Variants in ZNF66 observed in about 807,000 individuals in gnomAD.
The protein encoded by ZNF66 is zinc finger protein 66.
In ZNF66, 32 loss-of-function variants were observed where a neutral mutation model predicts 35.2. The ratio of observed to expected loss-of-function variants is 0.91; its 90% CI spans 0.69 to 1.22. The LOEUF (loss-of-function observed/expected upper bound fraction) is 1.22. ZNF66 is among the 50% of genes most tolerant of loss of function. The pLI, the probability that ZNF66 is intolerant of heterozygous loss-of-function variation, is 0.00. For synonymous variants in ZNF66, 231 were observed against 181.3 expected, an observed-to-expected ratio of 1.27 and a Z score of -2.20; for missense variants, 666 against 543.1, an observed-to-expected ratio of 1.23 and a Z score of -2.25.
At chr19:20,797,830 G>A (rs1322473337) in intron 3 of ZNF66, among the ~76,000 whole-genome samples, 3 of 152,210 alleles carry the variant, frequency 2.0e-5, no homozygotes, top group African/African-American at 7.2e-5. Flanking sequence ...CCAAAGTACT[G>A]GGATTACAGT....
chr19:20,801,871 G>A (rs1478497158), intron 3 of ZNF66, among the ~76,000 whole-genome samples: 2 of 136,754 alleles, frequency 1.5e-5, no homozygotes, highest in Non-Finnish European at 3.3e-5. Flanking sequence ...TCAAGTAATC[G>A]GCCCACCTTG....
At chr19:20,796,101 C>T (rs979836477) in intron 3 of ZNF66, among the ~76,000 whole-genome samples, 3 of 152,150 alleles carry the variant, frequency 2.0e-5, no homozygotes, top group African/African-American at 7.2e-5. Context: ...ATAACCCAGG[C>T]TGGTCTCAAA....
chr19:20,790,031 G>A (rs548516783), intron 1 of ZNF66, among the ~76,000 whole-genome samples: 9 of 152,234 alleles, frequency 5.9e-5, no homozygotes, highest in Admixed American at 4.6e-4. Flanking sequence ...TAAATAATGC[G>A]CCAAGGGGGA....
At chr19:20,796,762 A>G (rs1409793143) in intron 3 of ZNF66, among the ~76,000 whole-genome samples, 1 of 152,214 alleles carries the variant, frequency 6.6e-6, no homozygotes, top group Non-Finnish European at 1.5e-5. Flanking sequence ...ATTCTCTGAA[A>G]TTTTACTGCC....
rs988825160 is a variant in ZNF66 at position 20,797,439 on chromosome 19, C to T, written c.226+3561C>T. Among the ~76,000 whole-genome samples the T allele has an allele frequency of 9.2e-4, 115 of 124,556 alleles. 5 individuals are homozygous for T. The highest frequency in any genetic ancestry group is 3.2e-3 in the African/African-American group (108 of 33,452). The allele number at this position is 124,556 out of a possible 152,430, so 81.7% of individuals were successfully genotyped here. On this transcript the variant is annotated intron_variant, in intron 3 of 3. Transcript: ENST00000344519. ...GCCAGGATGGTCTCGATCTCCTGAC[C>T]TCGTGATCCGCCCGCCTCGGCCTCC...
chr19:20,776,613 C>T lies in ZNF66; in HGVS notation c.3+163C>T, dbSNP rs1971197118. 4.7e-6 allele frequency: 5 copies of T among 1,059,642 alleles called. No individual in the cohort carries two copies. In the South Asian group the frequency reaches 7.2e-5, roughly 15 times the overall value. The allele number at this position is 1,059,642 out of a possible 1,614,324, so 65.6% of individuals were successfully genotyped here. On this transcript the variant is annotated intron_variant, in intron 1 of 3. Transcript: ENST00000344519. ...GGCGGCTACGCTGACAGCCTGGCCC[C>T]CGGGCGTCCTGTCGCTTCCCCGCGC...
At chr19:20,795,177 A>AT (rs1276145326) in intron 3 of ZNF66, among the ~76,000 whole-genome samples, 6 of 149,000 alleles carry the variant, frequency 4.0e-5, no homozygotes, top group East Asian at 4.1e-4. Context: ...GCCTGGCTGG[A>AT]TTTTTTTATT....
At chr19:20,802,004 A>C (rs1313425489) in intron 3 of ZNF66, among the ~76,000 whole-genome samples, 1 of 150,606 alleles carries the variant, frequency 6.6e-6, no homozygotes, top group Non-Finnish European at 1.5e-5. Context: ...CATTGCTTTT[A>C]CTATTAGTAA....
intron 3 of ZNF66, chr19:20,798,888 T>C (rs560160569): frequency 6.6e-6 from 1 of 152,296 alleles, no homozygotes; most frequent in African/African-American, 2.4e-5. Flanking sequence ...CCATTGTATG[T>C]GTATGTTATA....
intron 3 of ZNF66, among the ~76,000 whole-genome samples, chr19:20,800,193 A>G (rs954789335): frequency 1.3e-5 from 2 of 152,088 alleles, no homozygotes; most frequent in Non-Finnish European, 2.9e-5. Context: ...ATTGTTTGCT[A>G]GTTTATAGTG....
intron 3 of ZNF66, among the ~76,000 whole-genome samples, chr19:20,797,165 T>C (rs893625261): frequency 6.1e-5 from 9 of 146,934 alleles, no homozygotes; most frequent in Non-Finnish European, 1.0e-4. Flanking sequence ...AATTTTTTAA[T>C]AATGCATCAA....
At position 20,806,869 on chromosome 19, in the gene ZNF66, A is replaced by G. The variant is rs762574090; in HGVS notation, c.1269A>G (p.Lys423=). 6.7e-6 allele frequency: 9 copies of G among 1,352,506 alleles called. No homozygotes were observed. Among genetic ancestry groups the G allele is most frequent in the Non-Finnish European group, 9.5e-6 (9 of 943,976 alleles). The allele number at this position is 1,352,506 out of a possible 1,614,324, so 83.8% of individuals were successfully genotyped here. The change falls in exon 4 of 4, where the codon AAA becomes AAG. Residue 423 remains lysine, a synonymous_variant. Coordinates refer to ENST00000344519, the MANE Select transcript of ZNF66 (RefSeq NM_001355197.2). ...SKHKRIHTGE[K]PYKCEECGKA... ...ATAAGAGAATTCATACTGGAGAGAAACCCTACAAATGTGAAGAATGTGGCA... is the reference window on the plus strand; with the variant it reads ...ATAAGAGAATTCATACTGGAGAGAAGCCCTACAAATGTGAAGAATGTGGCA...
intron 3 of ZNF66, among the ~76,000 whole-genome samples, chr19:20,802,661 T>A (rs1568499980): frequency 6.6e-6 from 1 of 152,178 alleles, no homozygotes; most frequent in Non-Finnish European, 1.5e-5. Flanking sequence ...TGTATCCTGA[T>A]GTTGTTGAGG....
chr19:20,792,991 C>T (rs577965249), intron 2 of ZNF66, among the ~76,000 whole-genome samples: 1 of 151,308 alleles, frequency 6.6e-6, no homozygotes, highest in East Asian at 1.9e-4. Context: ...CACTTGAACT[C>T]AGGAGGTGAA....
intron 1 of ZNF66, among the ~76,000 whole-genome samples, chr19:20,779,369 G>T (rs1971224810): frequency 6.6e-6 from 1 of 152,114 alleles, no homozygotes; most frequent in Non-Finnish European, 1.5e-5. Context: ...ATGGCAAATG[G>T]AGAGTGAAAA....
intron 1 of ZNF66, among the ~76,000 whole-genome samples, chr19:20,778,782 C>CAA (rs561812056): frequency 1.3e-3 from 114 of 85,360 alleles, no homozygotes; most frequent in African/African-American, 2.9e-3. Flanking sequence ...GACTTCGTCT[C>CAA]AAAAAAAAAA....
Position 20,806,730 on chromosome 19 carries a change from C to A in ZNF66, c.1130C>A (p.Ala377Asp). The change falls in exon 4 of 4, where the codon GCC becomes GAC. Residue 377 changes from alanine (A) to aspartate (D), a missense_variant. By Grantham distance (126) the Ala-to-Asp change is moderately radical. Transcript: ENST00000344519. ...KPYKCEECGE[A>D]FKYSCSLTAH... Reference sequence around the variant, plus strand: ...TACAAATGTGAAGAATGTGGTGAAGCCTTTAAGTACTCCTGTTCCCTTACT... The same window carrying A: ...TACAAATGTGAAGAATGTGGTGAAGACTTTAAGTACTCCTGTTCCCTTACT... 7.2e-7 allele frequency: 1 copy of A among 1,385,536 alleles called. No individual in the cohort carries two copies. 85.8% of individuals were successfully genotyped at this position (1,385,536 alleles called of 1,614,324 possible).
In ZNF66 at chr19:20,807,956, T is replaced by C. The variant is rs1469153001; in HGVS notation, c.*634T>C. Among the ~76,000 whole-genome samples, 6 of 150,788 alleles carry C rather than the reference T, an allele frequency of 4.0e-5. No individual in the cohort carries two copies. The East Asian group carries it at 1.2e-3, about 29-fold the overall frequency. ...CAAGGAGTCAGGGAGTTCCCTTTCC[T>C]AGTCAAAGAAAGGGGTGACAGATGG... On this transcript the variant is annotated 3_prime_UTR_variant, in exon 4 of 4. Coordinates refer to ENST00000344519, the MANE Select transcript of ZNF66 (RefSeq NM_001355197.2).
intron 3 of ZNF66, among the ~76,000 whole-genome samples, chr19:20,800,248 C>T (rs564483460): frequency 3.5e-4 from 53 of 152,148 alleles, no homozygotes; most frequent in African/African-American, 1.2e-3. Flanking sequence ...AACTTTTGGC[C>T]CCAGTGGATC....
Sources: gnomAD v4.1 joint callset for allele counts (sites outside exome capture counted in the v4.1 genomes callset) on GRCh38, gnomAD v4.1.1 for gene constraint, MANE v1.5 for transcripts, NCBI Gene and HGNC (gene_info 2026-07-23, HGNC 2026-07-21) for gene names.